The following CNTNAP5 variants were observed in gnomAD, a reference collection of about 807,000 sequenced individuals.
CNTNAP5 encodes contactin-associated protein-like 5.
In CNTNAP5, 72 loss-of-function variants were observed where a neutral mutation model predicts 150.2. The observed-to-expected ratio is 0.48, with a 90% CI of 0.40 to 0.58. CNTNAP5 has a LOEUF of 0.58. Ranked by LOEUF, CNTNAP5 falls within the 20% of genes least tolerant of loss-of-function variation. The probability of loss-of-function intolerance (pLI) is 0.00; values close to 1 mark genes in which losing one functional copy is unlikely to be tolerated. For synonymous variants in CNTNAP5, 672 were observed against 619.8 expected (o/e 1.08, Z -1.25); for missense variants, 1,636 against 1,626.2 (o/e 1.01, Z -0.10).
intron 3 of CNTNAP5, among the ~76,000 whole-genome samples, chr2:124,265,979 A>G (rs971668272): frequency 1.3e-5 from 2 of 152,100 alleles, no homozygotes; most frequent in African/African-American, 4.8e-5. Flanking sequence ...GCACTACATA[A>G]CCAAAGCTTA....
chr2:124,242,402 TC>T lies in CNTNAP5; in HGVS notation c.381+10del, dbSNP rs1686910738. On this transcript the variant is annotated intron_variant, in intron 3 of 23. Transcript: ENST00000682447. The stretch of plus-strand genomic sequence containing the variant: ...AAGAAGACAGCATCTGGGTAGGACA[TC>T]TTTTTCCTTCCAATGAATAAAACTG... 5 of 1,609,032 alleles carry T rather than the reference TC, an allele frequency of 3.1e-6. No individual in the cohort carries two copies. The South Asian group carries it at 3.3e-5, about 11-fold the overall frequency.
intron 3 of CNTNAP5, among the ~76,000 whole-genome samples, chr2:124,314,105 C>T (rs953680048): frequency 6.6e-6 from 1 of 152,116 alleles, no homozygotes; most frequent in Admixed American, 6.6e-5. Flanking sequence ...GTATATTTTC[C>T]AAGTACCAGA....
intron 2 of CNTNAP5, 123 bp downstream of exon 2, chr2:124,221,932 T>C (rs1686331741): frequency 3.1e-6 from 2 of 651,786 alleles, no homozygotes; most frequent in Non-Finnish European, 5.4e-6. Context: ...GGAAAATATT[T>C]ACGAGGAGAG....
chr2:124,527,242 A>G, intron 9 of CNTNAP5, 43 bp from the exon 10 acceptor site: 3 of 1,574,756 alleles, frequency 1.9e-6, no homozygotes, highest in Non-Finnish European at 1.7e-6. Context: ...GCAATGACGG[A>G]TCATTTCAGC....
intron 1 of CNTNAP5, among the ~76,000 whole-genome samples, chr2:124,196,459 A>G (rs1457649355): frequency 6.6e-6 from 1 of 152,222 alleles, no homozygotes; most frequent in Non-Finnish European, 1.5e-5. Flanking sequence ...CTCAGGAATA[A>G]CATGGTATAG....
chr2:124,703,314 C>T (rs1039536363), intron 13 of CNTNAP5, among the ~76,000 whole-genome samples: 1 of 151,474 alleles, frequency 6.6e-6, no homozygotes, highest in Admixed American at 6.6e-5. Context: ...GTTTTTAGAA[C>T]AATATTTGCT....
At chr2:124,199,193 G>A (rs1685659335) in intron 1 of CNTNAP5, among the ~76,000 whole-genome samples, 1 of 152,082 alleles carries the variant, frequency 6.6e-6, no homozygotes, top group Non-Finnish European at 1.5e-5. Context: ...AAAGCTGGAA[G>A]GAGAAAATGA....
At chr2:124,395,498 C>T (rs1166555882) in intron 3 of CNTNAP5, among the ~76,000 whole-genome samples, 2 of 152,020 alleles carry the variant, frequency 1.3e-5, no homozygotes, top group Non-Finnish European at 2.9e-5. Context: ...ATTCTCTCTG[C>T]TCTCCTGCTT....
intron 1 of CNTNAP5, among the ~76,000 whole-genome samples, chr2:124,090,121 A>G (rs1020674569): frequency 6.6e-6 from 1 of 152,246 alleles, no homozygotes; most frequent in African/African-American, 2.4e-5. Flanking sequence ...AAGTAAAATC[A>G]GCAAAAATAT....
chr2:124,172,899 A>T (rs1355185296), intron 1 of CNTNAP5, among the ~76,000 whole-genome samples: 1 of 152,090 alleles, frequency 6.6e-6, no homozygotes, highest in South Asian at 2.1e-4. Context: ...TGAAGATATT[A>T]TACTTTTTAA....
At chr2:124,775,888 A>G (rs769175155) in intron 17 of CNTNAP5, among the ~76,000 whole-genome samples, 1 of 152,134 alleles carries the variant, frequency 6.6e-6, no homozygotes, top group Non-Finnish European at 1.5e-5. Context: ...GTGTCCATCA[A>G]TGTGAGGATG....
At chr2:124,561,791 T>C (rs1429311079) in intron 10 of CNTNAP5, among the ~76,000 whole-genome samples, 2 of 152,204 alleles carry the variant, frequency 1.3e-5, no homozygotes, top group East Asian at 1.9e-4. Flanking sequence ...TTCCTACTTA[T>C]ATAGGGCAGT....
intron 3 of CNTNAP5, among the ~76,000 whole-genome samples, chr2:124,357,153 G>C (rs1413189112): frequency 2.0e-5 from 3 of 151,984 alleles, no homozygotes; most frequent in South Asian, 2.1e-4. Context: ...TGATGGGGTT[G>C]TTTGTTTTTT....
At chr2:124,707,400 G>C (rs1679714470) in intron 13 of CNTNAP5, among the ~76,000 whole-genome samples, 1 of 152,136 alleles carries the variant, frequency 6.6e-6, no homozygotes, top group Admixed American at 6.6e-5. Context: ...ATTTTCCCAA[G>C]TAAGTGGGAA....
chr2:124,027,767 C>A (rs2104616934), intron 1 of CNTNAP5, among the ~76,000 whole-genome samples: 1 of 152,254 alleles, frequency 6.6e-6, no homozygotes, highest in Non-Finnish European at 1.5e-5. Flanking sequence ...TCACTGCTTG[C>A]TAAATATTTT....
intron 6 of CNTNAP5, among the ~76,000 whole-genome samples, chr2:124,459,758 TAAAAAAA>T (rs11355936): frequency 7.1e-5 from 8 of 113,454 alleles, no homozygotes; most frequent in African/African-American, 2.4e-4. Flanking sequence ...AATTCCTCTG[TAAAAAAA>T]AAAAAAAAAA....
At chr2:124,761,463 C>G (rs1420575638) in intron 14 of CNTNAP5, among the ~76,000 whole-genome samples, 1 of 152,072 alleles carries the variant, frequency 6.6e-6, no homozygotes, top group Non-Finnish European at 1.5e-5. Context: ...TGCCAATATT[C>G]AAAAACTGAA....
In CNTNAP5 at chr2:124,786,433, AGG is replaced by A. The variant is rs1293468207; in HGVS notation, c.2753-3468_2753-3467del. On this transcript the variant is annotated intron_variant, in intron 17 of 23. Transcript: ENST00000682447. ...AAGGAAGGAAGGAAGGAAGGAAGGAAGGAAGGAAGGAAGGAAAGAAAGAAAGA... is the reference window on the plus strand; with the variant it reads ...AAGGAAGGAAGGAAGGAAGGAAGGAAAAGGAAGGAAGGAAAGAAAGAAAGA... Among the ~76,000 whole-genome samples, 180 of 122,616 alleles carry A rather than the reference AGG, an allele frequency of 1.5e-3. 1 individual carries two copies. The highest frequency in any genetic ancestry group is 5.8e-3 in the East Asian group (26 of 4,500). The allele number at this position is 122,616 out of a possible 152,430, so 80.4% of individuals were successfully genotyped here.
intron 21 of CNTNAP5, among the ~76,000 whole-genome samples, chr2:124,887,260 C>T (rs1244015943): frequency 1.3e-5 from 2 of 152,048 alleles, no homozygotes; most frequent in Non-Finnish European, 1.5e-5. Flanking sequence ...CTTATCACTC[C>T]CACTTTGAAA....
Sources: allele counts gnomAD v4.1 joint callset (sites outside exome capture counted in the v4.1 genomes callset), GRCh38; gene constraint gnomAD v4.1.1; transcripts MANE v1.5; gene names NCBI Gene and HGNC (gene_info 2026-07-23, HGNC 2026-07-21).